ADAMTS17: variants seen among roughly 807,000 people sequenced by gnomAD.
ADAMTS17 encodes A disintegrin and metalloproteinase with thrombospondin motifs 17.
In ADAMTS17, 113 loss-of-function variants were observed where a neutral mutation model predicts 141.5. That is an observed-to-expected ratio of 0.80 (90% CI 0.69 to 0.93). The LOEUF is 0.93. ADAMTS17 is among the 40% of genes least tolerant of loss of function. The pLI, the probability that ADAMTS17 is intolerant of heterozygous loss-of-function variation, is 0.00. For synonymous variants in ADAMTS17, 768 were observed against 630.6 expected (o/e 1.22, Z -3.27); for missense variants, 1,659 against 1,517.9 (o/e 1.09, Z -1.54).
chr15:100,116,367 G>C (rs1429488419), intron 13 of ADAMTS17, among the ~76,000 whole-genome samples: 4 of 152,218 alleles, frequency 2.6e-5, no homozygotes, highest in Admixed American at 2.6e-4. Context: ...TCTTTCCTAA[G>C]TTGCAAACTA....
intron 15 of ADAMTS17, among the ~76,000 whole-genome samples, chr15:100,080,190 G>A (rs1433236245): frequency 6.6e-6 from 1 of 152,132 alleles, no homozygotes; most frequent in Non-Finnish European, 1.5e-5. Flanking sequence ...CTGCTGGCCT[G>A]GAGATCTTAG....
At chr15:100,190,613 G>A (rs1009702773) in intron 8 of ADAMTS17, among the ~76,000 whole-genome samples, 1 of 152,178 alleles carries the variant, frequency 6.6e-6, no homozygotes, top group Non-Finnish European at 1.5e-5. Context: ...ACCCCAAGAG[G>A]GGCAGGTCTG....
At chr15:100,340,036 A>G (rs2141992904) in intron 2 of ADAMTS17, among the ~76,000 whole-genome samples, 1 of 152,358 alleles carries the variant, frequency 6.6e-6, no homozygotes, top group East Asian at 1.9e-4. Context: ...GGAAGGACAG[A>G]CACAAACTAA....
Position 100,199,347 on chromosome 15 carries a change from G to A in ADAMTS17, c.1152C>T (p.Ala384=). 1 of 1,614,240 alleles carries A rather than the reference G, an allele frequency of 6.2e-7. No homozygotes were observed. Reference sequence around the variant, plus strand: ...GGCCCAGCTCATGGGCGATGGTAAAGGCCAAATTGAGACCATTGTCTTCGG... The same window carrying A: ...GGCCCAGCTCATGGGCGATGGTAAAAGCCAAATTGAGACCATTGTCTTCGG... ...VLAEDNGLNL[A]FTIAHELGHN... Residue 384 remains alanine (A), a synonymous_variant, in exon 8 of 22, where the codon GCC becomes GCT. Coordinates refer to ENST00000268070, the MANE Select transcript of ADAMTS17 (RefSeq NM_139057.4).
intron 8 of ADAMTS17, among the ~76,000 whole-genome samples, chr15:100,179,603 G>A (rs1289837222): frequency 6.6e-6 from 1 of 152,170 alleles, no homozygotes; most frequent in Admixed American, 6.5e-5. Flanking sequence ...TCTATTTTTA[G>A]TTTATTGAGG....
intron 10 of ADAMTS17, among the ~76,000 whole-genome samples, chr15:100,140,488 C>CATATATATATATCTATATATATATATAT (rs2038579523): frequency 8.0e-6 from 1 of 124,936 alleles, no homozygotes; most frequent in Non-Finnish European, 1.8e-5. Flanking sequence ...CACATACATA[C>CATATATATATATCTATATATATATATAT]ATATATATAT....
intron 15 of ADAMTS17, among the ~76,000 whole-genome samples, chr15:100,067,015 A>G (rs1467299137): frequency 7.5e-6 from 1 of 133,388 alleles, no homozygotes; most frequent in Non-Finnish European, 1.6e-5. Context: ...TTGAGAGGGC[A>G]GCCATCCTTC....
intron 7 of ADAMTS17, among the ~76,000 whole-genome samples, chr15:100,244,150 T>C (rs1567418467): frequency 1.3e-5 from 2 of 151,924 alleles, no homozygotes; most frequent in South Asian, 2.1e-4. Context: ...AACTCCTCTT[T>C]ATGAAACTAT....
At chr15:100,043,314 C>A (rs142282893) in intron 18 of ADAMTS17, among the ~76,000 whole-genome samples, 1 of 152,254 alleles carries the variant, frequency 6.6e-6, no homozygotes, top group Non-Finnish European at 1.5e-5. Flanking sequence ...TTCTTTAAGT[C>A]TGATTCACAT....
chr15:100,155,472 T>C, intron 8 of ADAMTS17, 152 bp from the exon 9 acceptor site: 1 of 1,105,448 alleles, frequency 9.0e-7, no homozygotes. Context: ...CCCACAGTCA[T>C]GTGTTTTCAC....
intron 14 of ADAMTS17, among the ~76,000 whole-genome samples, chr15:100,104,925 G>T (rs1456845841): frequency 6.6e-6 from 1 of 152,216 alleles, no homozygotes; most frequent in Non-Finnish European, 1.5e-5. Flanking sequence ...ATTTAAGAAT[G>T]CCTGATTTTT....
chr15:100,292,814 AG>A (rs1412797599), intron 3 of ADAMTS17, among the ~76,000 whole-genome samples: 1 of 152,194 alleles, frequency 6.6e-6, no homozygotes, highest in Non-Finnish European at 1.5e-5. Flanking sequence ...CTAAAACCAG[AG>A]GGGGAAAAAA....
At chr15:100,189,723 A>G (rs578204680) in intron 8 of ADAMTS17, among the ~76,000 whole-genome samples, 63 of 152,316 alleles carry the variant, frequency 4.1e-4, no homozygotes, top group African/African-American at 1.5e-3. Flanking sequence ...TGGATCTGCT[A>G]TGTCCTTGGT....
chr15:100,287,886 G>A (rs1001813143), intron 3 of ADAMTS17, among the ~76,000 whole-genome samples: 1 of 152,222 alleles, frequency 6.6e-6, no homozygotes, highest in African/African-American at 2.4e-5. Flanking sequence ...AGGAATGACT[G>A]TTAATGGCCA....
chr15:100,004,813 G>A (rs2061006329), intron 18 of ADAMTS17, among the ~76,000 whole-genome samples: 1 of 152,088 alleles, frequency 6.6e-6, no homozygotes, highest in African/African-American at 2.4e-5. Context: ...TAGAGATGGG[G>A]TTTTCCCATG....
chr15:100,220,964 C>T (rs2042114644), intron 7 of ADAMTS17, among the ~76,000 whole-genome samples: 1 of 152,220 alleles, frequency 6.6e-6, no homozygotes, highest in Non-Finnish European at 1.5e-5. Flanking sequence ...GATAATGCGA[C>T]TGTGATTATT....
intron 13 of ADAMTS17, among the ~76,000 whole-genome samples, chr15:100,113,891 A>G (rs1475033738): frequency 6.6e-6 from 1 of 152,204 alleles, no homozygotes; most frequent in East Asian, 1.9e-4. Context: ...GCCTTTGCCA[A>G]GCTCTCCGAC....
At chr15:100,075,666 G>C (rs1053648515) in intron 15 of ADAMTS17, among the ~76,000 whole-genome samples, 1 of 152,172 alleles carries the variant, frequency 6.6e-6, no homozygotes, top group African/African-American at 2.4e-5. Context: ...GGGATACAAG[G>C]CTATATTATC....
At chr15:100,150,060 T>C (rs2039090391) in intron 10 of ADAMTS17, among the ~76,000 whole-genome samples, 1 of 152,218 alleles carries the variant, frequency 6.6e-6, no homozygotes, top group Non-Finnish European at 1.5e-5. Flanking sequence ...ATTTATTTTA[T>C]TGCTGGTGAA....
Sources: allele counts gnomAD v4.1 joint callset (sites outside exome capture counted in the v4.1 genomes callset), GRCh38; gene constraint gnomAD v4.1.1; transcripts MANE v1.5; gene names NCBI Gene and HGNC (gene_info 2026-07-23, HGNC 2026-07-21).